Variants in PDE11A observed in about 807,000 individuals in gnomAD.
PDE11A encodes the protein dual 3',5'-cyclic-AMP and -GMP phosphodiesterase 11A.
A neutral mutation model predicts 100.5 loss-of-function variants in PDE11A; 100 were observed. That is an observed-to-expected ratio of 1.00 (90% confidence interval 0.85 to 1.18). The LOEUF is 1.18. PDE11A is among the 50% of genes most tolerant of loss of function. The probability of loss-of-function intolerance (pLI) is 0.00; values close to 1 mark genes in which losing one functional copy is unlikely to be tolerated. For missense variants in PDE11A, 1,141 were observed against 1,152.6 expected (o/e 0.99, Z 0.15); for synonymous variants, 381 against 420.8 (o/e 0.91, Z 1.16).
chr2:178,099,825 C>T (rs944350096), intron 2 of PDE11A, among the ~76,000 whole-genome samples: 2 of 152,150 alleles, frequency 1.3e-5, no homozygotes, highest in African/African-American at 4.8e-5. Flanking sequence ...TGCATAGCAG[C>T]ATTAGTCACA....
intron 6 of PDE11A, among the ~76,000 whole-genome samples, chr2:177,838,934 G>A (rs1281681173): frequency 6.6e-6 from 1 of 152,124 alleles, no homozygotes; most frequent in Admixed American, 6.5e-5. Context: ...TCAGTGTTAG[G>A]ATAGCCAAGG....
At chr2:178,091,717 T>C (rs2087425334) in intron 2 of PDE11A, among the ~76,000 whole-genome samples, 1 of 152,118 alleles carries the variant, frequency 6.6e-6, no homozygotes, top group Admixed American at 6.5e-5. Context: ...ACTGTTCCCT[T>C]CCACCCAGGC....
At chr2:177,700,061 A>G (rs1021876997) in intron 14 of PDE11A, among the ~76,000 whole-genome samples, 1 of 152,184 alleles carries the variant, frequency 6.6e-6, no homozygotes, top group Non-Finnish European at 1.5e-5. Context: ...TTGGAGGGCA[A>G]TTCCACAGCC....
At chr2:177,664,766 C>G (rs2080542323) in intron 18 of PDE11A, among the ~76,000 whole-genome samples, 1 of 152,318 alleles carries the variant, frequency 6.6e-6, no homozygotes, top group Admixed American at 6.5e-5. Context: ...TGTGCCCTTA[C>G]TTATCTAGAA....
chr2:177,648,450 T>A (rs539448718), intron 19 of PDE11A, among the ~76,000 whole-genome samples: 1 of 152,190 alleles, frequency 6.6e-6, no homozygotes, highest in Non-Finnish European at 1.5e-5. Context: ...ATGGGCAACA[T>A]TTTCTATCTT....
chr2:177,753,954 C>T (rs1341112910), intron 10 of PDE11A, among the ~76,000 whole-genome samples: 3 of 152,018 alleles, frequency 2.0e-5, no homozygotes, highest in Admixed American at 6.6e-5. Flanking sequence ...ATATCTGCCC[C>T]GCCCCCCATG....
chr2:177,696,815 A>T (rs2081118369), intron 15 of PDE11A, among the ~76,000 whole-genome samples: 1 of 152,198 alleles, frequency 6.6e-6, no homozygotes, highest in South Asian at 2.1e-4. Flanking sequence ...GGCGCCTGAT[A>T]GAGCAGGTCC....
chr2:177,838,758 G>A (rs1030665818), intron 6 of PDE11A, among the ~76,000 whole-genome samples: 1 of 152,198 alleles, frequency 6.6e-6, no homozygotes, highest in South Asian at 2.1e-4. Context: ...GTATATAAAT[G>A]TTGACATCTG....
intron 4 of PDE11A, among the ~76,000 whole-genome samples, chr2:177,878,539 G>A (rs1413217832): frequency 1.3e-5 from 2 of 152,056 alleles, no homozygotes; most frequent in Non-Finnish European, 2.9e-5. Context: ...ACATAGAGAG[G>A]ACATTTTCCT....
chr2:177,948,336 A>C (rs2085469012), intron 2 of PDE11A, among the ~76,000 whole-genome samples: 1 of 152,190 alleles, frequency 6.6e-6, no homozygotes, highest in Non-Finnish European at 1.5e-5. Flanking sequence ...ATCAGAGATG[A>C]AGAAAACTTT....
At chr2:177,654,268 C>T (rs2080349676) in intron 19 of PDE11A, among the ~76,000 whole-genome samples, 1 of 152,102 alleles carries the variant, frequency 6.6e-6, no homozygotes, top group African/African-American at 2.4e-5. Flanking sequence ...GCCTGTAATC[C>T]CAGCACTTTG....
intron 5 of PDE11A, among the ~76,000 whole-genome samples, chr2:177,852,368 T>G (rs1426346353): frequency 7.1e-6 from 1 of 141,016 alleles, no homozygotes; most frequent in African/African-American, 2.5e-5. Context: ...GATTTCTTTT[T>G]AATGCTTTGC....
intron 6 of PDE11A, among the ~76,000 whole-genome samples, chr2:177,832,031 C>T (rs147540229): frequency 4.4e-4 from 67 of 152,222 alleles, no homozygotes; most frequent in African/African-American, 1.3e-3. Context: ...GACCCCTCCA[C>T]GAATGTCAGG....
intron 19 of PDE11A, among the ~76,000 whole-genome samples, chr2:177,644,666 G>A (rs1463340674): frequency 2.0e-5 from 3 of 152,136 alleles, no homozygotes; most frequent in East Asian, 3.8e-4. Flanking sequence ...TTGAAATGTG[G>A]GGACATGAGA....
chr2:178,008,655 G>C (rs2086240499), intron 2 of PDE11A, among the ~76,000 whole-genome samples: 1 of 152,156 alleles, frequency 6.6e-6, no homozygotes, highest in South Asian at 2.1e-4. Context: ...CTATTATCTG[G>C]CTGTGAGTCT....
At chr2:177,738,563 C>T (rs561094582) in intron 10 of PDE11A, among the ~76,000 whole-genome samples, 1 of 152,270 alleles carries the variant, frequency 6.6e-6, no homozygotes, top group African/African-American at 2.4e-5. Flanking sequence ...TCTGCTCAGA[C>T]CTACTATGCT....
intron 6 of PDE11A, among the ~76,000 whole-genome samples, chr2:177,836,078 G>C (rs2083393252): frequency 6.6e-6 from 1 of 152,238 alleles, no homozygotes; most frequent in East Asian, 1.9e-4. Context: ...AGGACTGATG[G>C]GCAGCTCTAC....
chr2:177,850,343 T>C (rs1292517911), intron 5 of PDE11A, among the ~76,000 whole-genome samples: 1 of 152,180 alleles, frequency 6.6e-6, no homozygotes, highest in Non-Finnish European at 1.5e-5. Context: ...TGTAGAAAGC[T>C]GAAACTGGAT....
Position 178,014,457 on chromosome 2 carries a change from G to A in PDE11A, c.916C>T (p.Arg306Ter), listed in dbSNP as rs76865936. ...TVNIPDAYQD[R>*]RFNDEIDKLT... ...TTGTCGATTTCATCATTGAATCGTC[G>A]ATCCTAAAAATAAGACAAAGAAAGC... The change falls in exon 2 of 20, where the codon CGA becomes TGA. Residue 306 changes from arginine (R) to a stop codon, truncating the protein, a stop_gained. Transcript: ENST00000286063. LOFTEE classifies it high-confidence loss of function. The A allele has an allele frequency of 5.6e-6, 9 of 1,611,512 alleles. No homozygotes were observed. The highest frequency in any genetic ancestry group is 1.6e-4 in the Middle Eastern group (1 of 6,082).
Sources: gnomAD v4.1 joint callset for allele counts (sites outside exome capture counted in the v4.1 genomes callset) on GRCh38, gnomAD v4.1.1 for gene constraint, MANE v1.5 for transcripts, NCBI Gene and HGNC (gene_info 2026-07-23, HGNC 2026-07-21) for gene names.